Variants in GPC6 observed in about 807,000 individuals in gnomAD.
GPC6 encodes glypican-6.
GPC6 carries 14 observed loss-of-function variants against 55.2 expected under a neutral mutation model. That is an observed-to-expected ratio of 0.25 (90% confidence interval 0.17 to 0.40). The LOEUF (loss-of-function observed/expected upper bound fraction) is 0.40. GPC6 is among the 10% of genes least tolerant of loss of function. The pLI is 1.00. For synonymous variants in GPC6, 278 were observed against 259.6 expected, an observed-to-expected ratio of 1.07 and a Z score of -0.68; for missense variants, 641 against 708.5, an observed-to-expected ratio of 0.90 and a Z score of 1.08.
chr13:93,952,815 ACACACATATATATACGTATATAT>A (rs986764546), intron 3 of GPC6, among the ~76,000 whole-genome samples: 31 of 148,754 alleles, frequency 2.1e-4, no homozygotes, highest in African/African-American at 7.4e-4. Context: ...GTATACACAC[ACACACATATATATACGTATATAT>A]CACACATATA....
At position 93,473,837 on chromosome 13, in the gene GPC6, C is replaced by T. The variant is rs564160464; in HGVS notation, c.161-71426C>T. On this transcript the variant is annotated intron_variant, in intron 1 of 8. Transcript: ENST00000377047. ...CAAGAGTGGCGACACAGGGCCGAAT[C>T]CCAAGCCATGGATTTTATAGTCTGG... Among the ~76,000 whole-genome samples, 15 of 152,290 alleles carry T rather than the reference C, an allele frequency of 9.8e-5. No individual in the cohort carries two copies. In the South Asian group the frequency reaches 2.9e-3, roughly 29 times the overall value.
At chr13:93,399,001 C>T (rs929843281) in intron 1 of GPC6, among the ~76,000 whole-genome samples, 2 of 152,080 alleles carry the variant, frequency 1.3e-5, no homozygotes, top group Admixed American at 6.5e-5. Context: ...AGAAACCTTT[C>T]TTCAATGGTT....
At chr13:94,068,804 A>G (rs551125269) in intron 4 of GPC6, among the ~76,000 whole-genome samples, 26 of 152,314 alleles carry the variant, frequency 1.7e-4, no homozygotes, top group African/African-American at 5.8e-4. Flanking sequence ...CTGATGGAAG[A>G]GGTGGGCTCC....
intron 4 of GPC6, among the ~76,000 whole-genome samples, chr13:94,068,890 T>G (rs1196491446): frequency 6.6e-6 from 1 of 152,190 alleles, no homozygotes; most frequent in African/African-American, 2.4e-5. Context: ...CGGGCTAGCA[T>G]TGACTGCCTA....
At chr13:94,268,275 C>T (rs59123689) in intron 4 of GPC6, among the ~76,000 whole-genome samples, 2 of 151,982 alleles carry the variant, frequency 1.3e-5, no homozygotes, top group Admixed American at 6.6e-5. Flanking sequence ...TAAAAGACAG[C>T]CACATTTTTG....
At chr13:93,315,465 A>G (rs1338430114) in intron 1 of GPC6, among the ~76,000 whole-genome samples, 1 of 151,946 alleles carries the variant, frequency 6.6e-6, no homozygotes, top group Non-Finnish European at 1.5e-5. Flanking sequence ...TCAGTAAATT[A>G]TTAGCTACTG....
At chr13:93,890,618 T>A (rs1055910543) in intron 3 of GPC6, among the ~76,000 whole-genome samples, 28 of 152,096 alleles carry the variant, frequency 1.8e-4, no homozygotes, top group African/African-American at 6.8e-4. Flanking sequence ...GTGTGTATGA[T>A]TTCTATGCAT....
rs576461012 is a variant in GPC6 at position 94,212,032 on chromosome 13, G to A, written c.878-74317G>A. On this transcript the variant is annotated intron_variant, in intron 4 of 8. Transcript: ENST00000377047. ...TCTCGTTGTCTAAAAAAATCAATGA[G>A]GACTTTATTAGCACCCTTTTTTATA... is the stretch of plus-strand genomic sequence containing the variant. Among the ~76,000 whole-genome samples, 18 of 152,222 alleles carry A rather than the reference G, an allele frequency of 1.2e-4. No individual in the cohort carries two copies. In the East Asian group the frequency reaches 3.5e-3, roughly 29 times the overall value.
At chr13:93,480,389 A>T (rs1307250473) in intron 1 of GPC6, among the ~76,000 whole-genome samples, 10 of 152,156 alleles carry the variant, frequency 6.6e-5, no homozygotes, top group African/African-American at 2.4e-4. Context: ...GATACTATGA[A>T]CAGAAGTTTT....
chr13:93,450,706 C>T lies in GPC6; in HGVS notation c.161-94557C>T, dbSNP rs780774552. 1.1e-5 allele frequency: 11 copies of T among 971,888 alleles called. No individual in the cohort carries two copies. The African/African-American group carries it at 1.4e-4, about 12-fold the overall frequency. 60.2% of individuals were successfully genotyped at this position (971,888 alleles called of 1,614,324 possible). A position where few individuals can be genotyped will look rare whatever the true frequency, so the allele number is the denominator to read the frequency against. On this transcript the variant is annotated intron_variant, in intron 1 of 8. Coordinates refer to ENST00000377047, the MANE Select transcript of GPC6 (RefSeq NM_005708.5). ...GAAGCTGCTAGGAGCTCCAACACTT[C>T]CCACTTTTTAGTGGCTGTATTTCAT... is the stretch of plus-strand genomic sequence containing the variant.
At chr13:93,686,283 T>C (rs9589811) in intron 2 of GPC6, among the ~76,000 whole-genome samples, 3,029 of 152,262 alleles carry the variant, frequency 0.02, 94 homozygotes, top group African/African-American at 0.067. Flanking sequence ...AGAAGCATAC[T>C]GGATAAAATC....
intron 3 of GPC6, among the ~76,000 whole-genome samples, chr13:93,975,725 A>G (rs1213750666): frequency 6.6e-6 from 1 of 152,030 alleles, no homozygotes; most frequent in Non-Finnish European, 1.5e-5. Flanking sequence ...GTGACTACTG[A>G]TGAGGAGAGA....
chr13:94,051,181 C>T (rs1194483057), intron 4 of GPC6, among the ~76,000 whole-genome samples: 2 of 152,104 alleles, frequency 1.3e-5, no homozygotes, highest in Non-Finnish European at 2.9e-5. Flanking sequence ...TCTTCATAAG[C>T]TGCTTACCCT....
intron 4 of GPC6, among the ~76,000 whole-genome samples, chr13:94,124,143 A>G (rs968799500): frequency 6.6e-6 from 1 of 152,102 alleles, no homozygotes; most frequent in Non-Finnish European, 1.5e-5. Flanking sequence ...AGTCCTTCCT[A>G]AAACCATGAT....
chr13:94,078,489 G>C (rs1430161883), intron 4 of GPC6, among the ~76,000 whole-genome samples: 1 of 151,478 alleles, frequency 6.6e-6, no homozygotes, highest in African/African-American at 2.4e-5. Flanking sequence ...AGATAAAATT[G>C]ACAAACTAAG....
chr13:94,270,936 T>G (rs1891976949), intron 4 of GPC6, among the ~76,000 whole-genome samples: 1 of 146,768 alleles, frequency 6.8e-6, no homozygotes, highest in South Asian at 2.2e-4. Context: ...AATGCAGCCT[T>G]ATAAAGGACC....
At chr13:94,133,288 A>AAC (rs1555299323) in intron 4 of GPC6, among the ~76,000 whole-genome samples, 146 of 127,418 alleles carry the variant, frequency 1.1e-3, no homozygotes, top group Non-Finnish European at 1.5e-3. Context: ...AAAAAAAAAA[A>AAC]AAAACCTTAA....
intron 1 of GPC6, among the ~76,000 whole-genome samples, chr13:93,354,516 ATTAT>A (rs1426028092): frequency 0.019 from 1,874 of 97,990 alleles, 63 homozygotes; most frequent in African/African-American, 0.081. Context: ...ACACTCGGCT[ATTAT>A]TTTTTTTTTT....
At chr13:93,523,706 T>C (rs1250520169) in intron 1 of GPC6, among the ~76,000 whole-genome samples, 1 of 151,990 alleles carries the variant, frequency 6.6e-6, no homozygotes, top group Non-Finnish European at 1.5e-5. Flanking sequence ...AAATCAAAAG[T>C]CTTGATGTTG....
Sources: allele counts gnomAD v4.1 joint callset (sites outside exome capture counted in the v4.1 genomes callset), GRCh38; gene constraint gnomAD v4.1.1; transcripts MANE v1.5; gene names NCBI Gene and HGNC (gene_info 2026-07-23, HGNC 2026-07-21).